Variants in PRKN observed in about 807,000 individuals in gnomAD.
PRKN encodes parkin RBR E3 ubiquitin protein ligase.
A neutral mutation model predicts 59.5 loss-of-function variants in PRKN; 56 were observed. The ratio of observed to expected loss-of-function variants is 0.94; its 90% CI spans 0.76 to 1.18. The LOEUF (loss-of-function observed/expected upper bound fraction) is 1.18, where lower values mean the gene tolerates loss of function less well. Ranked by LOEUF, PRKN falls within the 50% of genes most tolerant of loss-of-function variation. The pLI is 0.00. For missense variants in PRKN, 657 were observed against 596.4 expected, an observed-to-expected ratio of 1.10 and a Z score of -1.06; for synonymous variants, 250 against 222.1, an observed-to-expected ratio of 1.13 and a Z score of -1.12.
chr6:162,005,596 G>A lies in PRKN; in HGVS notation c.619-32179C>T, dbSNP rs191964616. 1.9e-4 allele frequency among the ~76,000 whole-genome samples: 29 copies of A among 151,982 alleles called. No homozygotes were observed. The East Asian group carries it at 5.6e-3, about 29-fold the overall frequency. ...CTCTTGAGCCCTTATTTGTGTTCTT[G>A]CTTGAGTGTTGACAGCCCGAATCTA... On this transcript the variant is annotated intron_variant, in intron 5 of 11. Coordinates refer to ENST00000366898, the MANE Select transcript of PRKN (RefSeq NM_004562.3).
chr6:161,978,830 C>T lies in PRKN; in HGVS notation c.619-5413G>A, dbSNP rs180982133. ...AGTTCTAGCGTGTGCAGGGGTTGGC[C>T]GGGGAAGTTGCTTCTCGGTCACTAG... On this transcript the variant is annotated intron_variant, in intron 5 of 11. Transcript: ENST00000366898. Among the ~76,000 whole-genome samples, 11 of 152,262 alleles carry T rather than the reference C, an allele frequency of 7.2e-5. No homozygotes were observed. The South Asian group carries it at 2.1e-3, about 29-fold the overall frequency.
intron 1 of PRKN, among the ~76,000 whole-genome samples, chr6:162,613,331 T>A (rs1402299527): frequency 6.6e-6 from 1 of 152,226 alleles, no homozygotes; most frequent in Non-Finnish European, 1.5e-5. Flanking sequence ...TAAGTCTTGA[T>A]TTTTTAATTT....
chr6:162,046,487 T>A (rs186633177), intron 5 of PRKN, among the ~76,000 whole-genome samples: 1 of 152,330 alleles, frequency 6.6e-6, no homozygotes, highest in South Asian at 2.1e-4. Flanking sequence ...GCTGGAAAGA[T>A]GGCGTCATAG....
Position 161,590,317 on chromosome 6 carries a change from G to T in PRKN, c.872-20901C>A, listed in dbSNP as rs183123810. 4.5e-4 allele frequency among the ~76,000 whole-genome samples: 68 copies of T among 152,174 alleles called. 2 individuals carry two copies. In the South Asian group the frequency reaches 9.1e-3, roughly 20 times the overall value. On this transcript the variant is annotated intron_variant, in intron 7 of 11. Coordinates refer to ENST00000366898, the MANE Select transcript of PRKN (RefSeq NM_004562.3). ...ACTCTTGCCAAAAATGCATAACTTG[G>T]TTGGGTACGGTGGATCACGCCTGTA...
intron 5 of PRKN, among the ~76,000 whole-genome samples, chr6:162,013,346 T>C (rs1273900694): frequency 1.3e-5 from 2 of 152,144 alleles, no homozygotes; most frequent in African/African-American, 2.4e-5. Flanking sequence ...CACTGTTACA[T>C]GCATCCTTCT....
At chr6:161,787,900 A>G (rs1790487897) in intron 6 of PRKN, among the ~76,000 whole-genome samples, 1 of 152,240 alleles carries the variant, frequency 6.6e-6, no homozygotes, top group African/African-American at 2.4e-5. Flanking sequence ...AGATCGCACC[A>G]CTGCACTCCA....
chr6:162,231,361 C>T (rs1778412303), intron 3 of PRKN, among the ~76,000 whole-genome samples: 1 of 152,206 alleles, frequency 6.6e-6, no homozygotes, highest in Non-Finnish European at 1.5e-5. Flanking sequence ...AAATTGATTT[C>T]AGAGAATGTG....
At chr6:162,627,634 T>C (rs1237282618) in intron 1 of PRKN, among the ~76,000 whole-genome samples, 4 of 152,018 alleles carry the variant, frequency 2.6e-5, no homozygotes, top group Non-Finnish European at 5.9e-5. Flanking sequence ...ATGGGGCAGT[T>C]AGGCAGGGTG....
intron 4 of PRKN, among the ~76,000 whole-genome samples, chr6:162,093,659 CT>C (rs1779606021): frequency 6.6e-6 from 1 of 152,134 alleles, no homozygotes; most frequent in Non-Finnish European, 1.5e-5. Context: ...CCTGTACCCC[CT>C]AAACATTTAT....
At chr6:162,417,232 C>T (rs1347684769) in intron 2 of PRKN, among the ~76,000 whole-genome samples, 1 of 152,108 alleles carries the variant, frequency 6.6e-6, no homozygotes, top group Non-Finnish European at 1.5e-5. Context: ...GACTTTTTTT[C>T]AAAAGTGCAA....
At chr6:162,071,355 G>A (rs1778567194) in intron 4 of PRKN, among the ~76,000 whole-genome samples, 1 of 151,364 alleles carries the variant, frequency 6.6e-6, no homozygotes, top group Admixed American at 6.6e-5. Flanking sequence ...TTCCTTTATT[G>A]TTATTCAAAG....
rs138660139 is a variant in PRKN, at chr6:161,347,882, C to T, written c.*2217G>A. On this transcript the variant is annotated 3_prime_UTR_variant, in exon 12 of 12. Coordinates refer to ENST00000366898, the MANE Select transcript of PRKN (RefSeq NM_004562.3). ...CCACCCACCTCGGCCTCCCAAAGTG[C>T]TGGGATTACAGGCATGAGCCACCGC... 6.2e-3 allele frequency: 968 copies of T among 155,892 alleles called. 8 individuals carry two copies. The highest frequency in any genetic ancestry group is 0.022 in the African/African-American group (915 of 41,586). 9.7% of individuals were successfully genotyped at this position (155,892 alleles called of 1,614,324 possible). A position where few individuals can be genotyped will look rare whatever the true frequency, so the allele number is the denominator to read the frequency against.
At chr6:162,395,338 C>T in intron 2 of PRKN, among the ~76,000 whole-genome samples, 1 of 152,204 alleles carries the variant, frequency 6.6e-6, no homozygotes. Context: ...GCCATGGGAA[C>T]ACAGACACTG....
chr6:162,721,290 A>G (rs1778933908), intron 1 of PRKN, among the ~76,000 whole-genome samples: 1 of 152,232 alleles, frequency 6.6e-6, no homozygotes, highest in Non-Finnish European at 1.5e-5. Context: ...TCCTCTATTA[A>G]CACTTTATCT....
intron 4 of PRKN, among the ~76,000 whole-genome samples, chr6:162,177,164 T>C (rs1428962244): frequency 6.6e-6 from 1 of 151,996 alleles, no homozygotes; most frequent in African/African-American, 2.4e-5. Context: ...AACAAATCAA[T>C]AGGCAAATGT....
At chr6:161,598,082 T>A (rs560155362) in intron 7 of PRKN, among the ~76,000 whole-genome samples, 1 of 152,158 alleles carries the variant, frequency 6.6e-6, no homozygotes, top group Non-Finnish European at 1.5e-5. Context: ...AAAATAACAT[T>A]GTCTTAATAT....
chr6:161,897,728 TC>T (rs776394194), intron 6 of PRKN, among the ~76,000 whole-genome samples: 25 of 152,044 alleles, frequency 1.6e-4, no homozygotes, highest in Non-Finnish European at 2.4e-4. Flanking sequence ...ACGCCTGTAA[TC>T]CCAGCACTTT....
intron 4 of PRKN, among the ~76,000 whole-genome samples, chr6:162,144,820 C>T (rs572640396): frequency 1.3e-5 from 2 of 152,196 alleles, no homozygotes; most frequent in East Asian, 3.9e-4. Context: ...ACTGACAGGC[C>T]TTGGTGAGAG....
chr6:162,491,922 A>G (rs778326838), intron 1 of PRKN, among the ~76,000 whole-genome samples: 1 of 152,192 alleles, frequency 6.6e-6, no homozygotes, highest in Non-Finnish European at 1.5e-5. Context: ...TATTAATAAC[A>G]GATGGCGGAC....
Sources: allele counts gnomAD v4.1 joint callset (sites outside exome capture counted in the v4.1 genomes callset), GRCh38; gene constraint gnomAD v4.1.1; transcripts MANE v1.5; gene names NCBI Gene and HGNC (gene_info 2026-07-23, HGNC 2026-07-21).